Variants in PCBP3 observed in about 807,000 individuals in gnomAD.
The protein encoded by PCBP3 is poly(rC)-binding protein 3.
Under a neutral mutation model 52.7 loss-of-function variants are expected in PCBP3, and 25 were observed. The observed-to-expected ratio is 0.47, with a 90% CI of 0.35 to 0.66. The LOEUF is 0.66. PCBP3 is among the 30% of genes least tolerant of loss of function. PCBP3 has a pLI of 0.01. For missense variants in PCBP3, 391 were observed against 490.3 expected (o/e 0.80, Z 1.91); for synonymous variants, 162 against 183.0 (o/e 0.89, Z 0.93).
intron 1 of PCBP3, among the ~76,000 whole-genome samples, chr21:45,666,764 T>G (rs1423756633): frequency 6.6e-6 from 1 of 151,922 alleles, no homozygotes; most frequent in Non-Finnish European, 1.5e-5. Flanking sequence ...GGTCTTGCTC[T>G]GTCTCCAGAC....
rs149167111 is a variant in PCBP3, at chr21:45,736,717, T to C, written c.-162+1288T>C. On this transcript the variant is annotated intron_variant, in intron 3 of 17. Coordinates refer to ENST00000681687, the MANE Select transcript of PCBP3 (RefSeq NM_001384156.1). The surrounding 1 kb of genome is among the most constrained non-coding windows in gnomAD (Gnocchi z 4.6). ...GGAGAGTTCTTACTAACAAATTACT[T>C]GAACAAAGACTTTGTTTGTTCCTTC... is the stretch of plus-strand genomic sequence containing the variant. Among the ~76,000 whole-genome samples, 122 of 152,338 alleles carry C rather than the reference T, an allele frequency of 8.0e-4. 1 individual carries two copies. Among genetic ancestry groups the C allele is most frequent in the Non-Finnish European group, 6.8e-4 (46 of 68,024 alleles).
At chr21:45,918,665 C>G (rs1416705589) in intron 13 of PCBP3, 6 of 146,548 alleles carry the variant, frequency 4.1e-5, no homozygotes, top group Admixed American at 2.1e-4. Context: ...TCAGATAAAC[C>G]GTCGGTGTAA....
intron 4 of PCBP3, among the ~76,000 whole-genome samples, chr21:45,765,260 G>A (rs1039670367): frequency 1.3e-5 from 2 of 152,194 alleles, no homozygotes; most frequent in Non-Finnish European, 2.9e-5. Context: ...GTGCTGAGAG[G>A]AGAGGGTGGC....
At chr21:45,930,866 CAGG>C in intron 15 of PCBP3, 21 bp downstream of exon 15, 2 of 1,612,624 alleles carry the variant, frequency 1.2e-6, no homozygotes, top group Non-Finnish European at 1.7e-6. Context: ...GCCACACTGA[CAGG>C]AGAACAGGCC....
rs2092361200 is a variant in PCBP3 at position 45,802,945 on chromosome 21, G to A, written c.-125-47016G>A. 1.3e-5 allele frequency among the ~76,000 whole-genome samples: 2 copies of A among 152,326 alleles called. No individual in the cohort carries two copies. On this transcript the variant is annotated intron_variant, in intron 4 of 17. Transcript: ENST00000681687. This position sits in a 1 kb window ranked among gnomAD's most constrained non-coding sequence, Gnocchi z 5.1. ...TATATTTACTGTTGAATCTCTTTGA[G>A]TTCTTTTTAATGATTTTTCTTGTTT...
intron 2 of PCBP3, among the ~76,000 whole-genome samples, chr21:45,714,052 G>A (rs1479433063): frequency 6.6e-6 from 1 of 152,148 alleles, no homozygotes; most frequent in Non-Finnish European, 1.5e-5. Context: ...TTTCCTCTAA[G>A]GGCTAGTAGT....
intron 4 of PCBP3, among the ~76,000 whole-genome samples, chr21:45,814,973 GATGAGTGAGTGGTGAGTGAGTGGTGA>G (rs2092834630): frequency 8.0e-6 from 1 of 124,670 alleles, no homozygotes; most frequent in Non-Finnish European, 1.7e-5. Context: ...AGTGGTGAGT[GATGAGTGAGTGGTGAGTGAGTGGTGA>G]GTGAGTGGTG....
chr21:45,858,195 G>A (rs1483936798), intron 5 of PCBP3: 1 of 152,320 alleles, frequency 6.6e-6, no homozygotes, highest in East Asian at 1.9e-4. Context: ...AGAGACAGAA[G>A]TTACTGTAGG....
intron 5 of PCBP3, among the ~76,000 whole-genome samples, chr21:45,889,699 C>G (rs1285252297): frequency 6.6e-6 from 1 of 152,206 alleles, no homozygotes; most frequent in East Asian, 1.9e-4. Flanking sequence ...TGCCATGGCT[C>G]TTGTGGCAGT....
chr21:45,693,877 C>T (rs1481552113), intron 2 of PCBP3, among the ~76,000 whole-genome samples: 2 of 151,990 alleles, frequency 1.3e-5, no homozygotes, highest in East Asian at 1.9e-4. Flanking sequence ...AATATATGAA[C>T]AAATATTTTA....
chr21:45,755,169 T>C (rs947875291), intron 3 of PCBP3, among the ~76,000 whole-genome samples: 5 of 152,234 alleles, frequency 3.3e-5, no homozygotes, highest in Non-Finnish European at 7.3e-5. Flanking sequence ...ACTGCAGCTC[T>C]GCCTTTCTCA....
intron 10 of PCBP3, among the ~76,000 whole-genome samples, chr21:45,910,015 ACC>A (rs1304549806): frequency 2.3e-4 from 10 of 42,882 alleles, no homozygotes; most frequent in Admixed American, 3.3e-4. Flanking sequence ...CCAAATATGG[ACC>A]TGGCCCACCC....
intron 4 of PCBP3, among the ~76,000 whole-genome samples, chr21:45,790,177 G>A (rs546152800): frequency 6.6e-6 from 1 of 152,136 alleles, no homozygotes; most frequent in East Asian, 1.9e-4. Context: ...AGGGGATCCA[G>A]TGGGGAAGCA....
At chr21:45,662,259 C>CCT in intron 1 of PCBP3, among the ~76,000 whole-genome samples, 1 of 145,018 alleles carries the variant, frequency 6.9e-6, no homozygotes, top group African/African-American at 2.6e-5. Context: ...AGGTATGTGC[C>CCT]AATATACCTA....
chr21:45,912,077 G>A (rs2096406625), intron 11 of PCBP3, among the ~76,000 whole-genome samples: 1 of 152,188 alleles, frequency 6.6e-6, no homozygotes, highest in Non-Finnish European at 1.5e-5. Context: ...ACAACACGTG[G>A]GTCTCGTCAG....
chr21:45,672,181 C>A (rs4525778), intron 2 of PCBP3, among the ~76,000 whole-genome samples: 1 of 152,074 alleles, frequency 6.6e-6, no homozygotes, highest in Non-Finnish European at 1.5e-5. Flanking sequence ...CACTCAGCCC[C>A]TTATTGTGTG....
rs770361570 is a variant in PCBP3, at chr21:45,929,920, T to C, written c.721T>C (p.Leu241=). Residue 241 remains leucine, a synonymous_variant, in exon 14 of 18, where the codon TTG becomes CTG. Transcript: ENST00000681687. ...TCTCGTGTCCCTCCTACCCCAGCAG[T>C]TGACCAAGCTCCACCAGTTGGCCAT... The part of the protein sequence containing the change: ...GQYAIPHPDQ[L]TKLHQLAMQQ... The C allele has an allele frequency of 8.7e-6, 14 of 1,613,368 alleles. No individual in the cohort carries two copies. Among genetic ancestry groups the C allele is most frequent in the Admixed American group, 1.7e-5 (1 of 59,970 alleles).
intron 4 of PCBP3, among the ~76,000 whole-genome samples, chr21:45,831,509 T>C (rs2093449018): frequency 6.6e-6 from 1 of 152,158 alleles, no homozygotes; most frequent in African/African-American, 2.4e-5. Flanking sequence ...TGAGGTCTGT[T>C]GTTGAAAGTT....
At chr21:45,857,876 G>C (rs1456258822) in intron 5 of PCBP3, among the ~76,000 whole-genome samples, 1 of 152,192 alleles carries the variant, frequency 6.6e-6, no homozygotes, top group African/African-American at 2.4e-5. Flanking sequence ...GATGGGATGG[G>C]GAAACAGGGC....
Sources: gnomAD v4.1 joint callset for allele counts (sites outside exome capture counted in the v4.1 genomes callset) on GRCh38, gnomAD v4.1.1 for gene constraint, Gnocchi (gnomAD v3.1) non-coding constraint, MANE v1.5 for transcripts, NCBI Gene and HGNC (gene_info 2026-07-23, HGNC 2026-07-21) for gene names.